ABCB11: variants seen among roughly 807,000 people sequenced by gnomAD.
ABCB11 encodes bile salt export pump.
In ABCB11, 95 loss-of-function variants were observed where a neutral mutation model predicts 148.0. The ratio of observed to expected loss-of-function variants is 0.64; its 90% CI spans 0.54 to 0.76. The LOEUF is 0.76. Among genes scored for constraint, ABCB11 ranks in the 30% least tolerant of loss-of-function variants. The probability of loss-of-function intolerance (pLI) is 0.00; values close to 1 mark genes in which losing one functional copy is unlikely to be tolerated. For missense variants in ABCB11, 1,523 were observed against 1,617.8 expected (o/e 0.94, Z 1.01); for synonymous variants, 591 against 555.4 (o/e 1.06, Z -0.90).
At chr2:168,971,003 A>G (rs1232301253) in intron 14 of ABCB11, among the ~76,000 whole-genome samples, 3 of 152,054 alleles carry the variant, frequency 2.0e-5, no homozygotes, top group Admixed American at 2.0e-4. Flanking sequence ...TATCATAGCC[A>G]CAGCTGCAAT....
Position 168,949,183 on chromosome 2 carries a change from AT to A in ABCB11, c.2344-4223del, listed in dbSNP as rs903681048. On this transcript the variant is annotated intron_variant, in intron 19 of 27. Transcript: ENST00000650372. ...ATTTCAGCCAAGAAAACATGATCAC[AT>A]TTTTTTAAACTGCTTTTTTAAAATT... is the stretch of plus-strand genomic sequence containing the variant. Among the ~76,000 whole-genome samples, 6 of 151,730 alleles carry A rather than the reference AT, an allele frequency of 4.0e-5. No homozygotes were observed. The South Asian group carries it at 6.2e-4, about 16-fold the overall frequency.
chr2:169,027,206 CAGAAAAATG>C (rs1695726812), intron 1 of ABCB11, among the ~76,000 whole-genome samples: 1 of 152,162 alleles, frequency 6.6e-6, no homozygotes, highest in African/African-American at 2.4e-5. Context: ...CAAGGCATTC[CAGAAAAATG>C]TATTTTCCAA....
intron 12 of ABCB11, among the ~76,000 whole-genome samples, chr2:168,974,622 T>C (rs1202397117): frequency 6.6e-6 from 1 of 151,994 alleles, no homozygotes; most frequent in Non-Finnish European, 1.5e-5. Context: ...TGCTTTTTTA[T>C]CATTATAGCA....
rs35964117 is a variant in ABCB11, at chr2:168,978,132, C to CTT, written c.1198-1447_1198-1446dup. 2.9e-3 allele frequency among the ~76,000 whole-genome samples: 152 copies of CTT among 53,136 alleles called. 28 individuals are homozygous for CTT. The highest frequency in any genetic ancestry group is 3.5e-3 in the Non-Finnish European group (99 of 28,484). 34.9% of individuals were successfully genotyped at this position (53,136 alleles called of 152,430 possible). A position where few individuals can be genotyped will look rare whatever the true frequency, so the allele number is the denominator to read the frequency against. ...AAGAGGTAGAATTTGAATAAATTGA[C>CTT]TTTTTTTTTTTTTTTTTTTTTTTTT... On this transcript the variant is annotated intron_variant, in intron 11 of 27. Transcript: ENST00000650372.
intron 9 of ABCB11, among the ~76,000 whole-genome samples, chr2:168,989,050 G>T (rs576585641): frequency 6.6e-6 from 1 of 152,072 alleles, no homozygotes; most frequent in East Asian, 1.9e-4. Flanking sequence ...AGATGTATGG[G>T]TTACAAATAT....
At chr2:168,969,940 G>T in intron 15 of ABCB11, 105 bp downstream of exon 15, 1 of 1,058,198 alleles carries the variant, frequency 9.5e-7, no homozygotes, top group Non-Finnish European at 1.4e-6. Context: ...AACCCATGTA[G>T]TATCAACTAC....
intron 2 of ABCB11, 84 bp downstream of exon 2, chr2:169,017,966 G>T (rs750700334): frequency 3.5e-6 from 4 of 1,153,228 alleles, no homozygotes; most frequent in Non-Finnish European, 5.3e-6. Flanking sequence ...ATTTTTTTCT[G>T]CTCCTTGAAA....
intron 19 of ABCB11, among the ~76,000 whole-genome samples, chr2:168,950,760 G>A (rs190275843): frequency 4.0e-5 from 6 of 151,844 alleles, no homozygotes; most frequent in Admixed American, 3.3e-4. Context: ...TTCTTTTGCT[G>A]TGCAAAAGCT....
chr2:168,953,194 A>T (rs1039333415), intron 19 of ABCB11, among the ~76,000 whole-genome samples: 2 of 151,686 alleles, frequency 1.3e-5, no homozygotes, highest in African/African-American at 4.8e-5. Flanking sequence ...GTTGTTGGGT[A>T]GAATGTTCTG....
chr2:168,987,532 T>G (rs1436584734), intron 9 of ABCB11, among the ~76,000 whole-genome samples: 1 of 152,102 alleles, frequency 6.6e-6, no homozygotes, highest in South Asian at 2.1e-4. Flanking sequence ...CAGAATCAGG[T>G]GATCCTCCCA....
intron 19 of ABCB11, among the ~76,000 whole-genome samples, chr2:168,948,290 C>A (rs2105918364): frequency 6.6e-6 from 1 of 151,854 alleles, no homozygotes; most frequent in South Asian, 2.1e-4. Flanking sequence ...GGCTTGGATT[C>A]TTTCTGATCC....
At chr2:168,949,246 G>C (rs1692458118) in intron 19 of ABCB11, among the ~76,000 whole-genome samples, 1 of 151,574 alleles carries the variant, frequency 6.6e-6, no homozygotes, top group Admixed American at 6.6e-5. Flanking sequence ...GGGGGTACAA[G>C]CACAGATTTC....
At chr2:169,002,782 G>C (rs1694913920) in intron 5 of ABCB11, among the ~76,000 whole-genome samples, 1 of 152,196 alleles carries the variant, frequency 6.6e-6, no homozygotes, top group Admixed American at 6.5e-5. Context: ...GCTAGAGGTG[G>C]GGAGATTAGG....
chr2:168,947,665 A>G (rs953858340), intron 19 of ABCB11, among the ~76,000 whole-genome samples: 15 of 151,842 alleles, frequency 9.9e-5, no homozygotes, highest in Non-Finnish European at 1.6e-4. Flanking sequence ...TAATGAACAC[A>G]TGATAATTAT....
chr2:168,989,403 G>A (rs561560289), intron 9 of ABCB11, among the ~76,000 whole-genome samples: 3 of 152,046 alleles, frequency 2.0e-5, no homozygotes, highest in African/African-American at 7.2e-5. Context: ...ATGGTGTGTT[G>A]TTGGTCTCTT....
At chr2:169,013,932 C>T (rs1011261632) in intron 4 of ABCB11, among the ~76,000 whole-genome samples, 1 of 152,068 alleles carries the variant, frequency 6.6e-6, no homozygotes, top group Non-Finnish European at 1.5e-5. Flanking sequence ...CAATTTCTGC[C>T]TAGAAATGCC....
chr2:168,936,154 G>T (rs974765341), intron 22 of ABCB11, 76 bp downstream of exon 22: 5 of 1,396,006 alleles, frequency 3.6e-6, no homozygotes, highest in Non-Finnish European at 3.9e-6. Context: ...CAGTCTCTTC[G>T]TACTACTCGT....
At chr2:168,956,944 C>T (rs1692823410) in intron 19 of ABCB11, among the ~76,000 whole-genome samples, 1 of 151,638 alleles carries the variant, frequency 6.6e-6, no homozygotes. Flanking sequence ...AGGCAGTCCC[C>T]AACTGGGTAA....
chr2:169,009,720 A>C (rs192114363), intron 5 of ABCB11, among the ~76,000 whole-genome samples: 1 of 152,084 alleles, frequency 6.6e-6, no homozygotes, highest in African/African-American at 2.4e-5. Flanking sequence ...CTAAAACTTA[A>C]AGTATAATTA....
Sources: gnomAD v4.1 joint callset for allele counts (sites outside exome capture counted in the v4.1 genomes callset) on GRCh38, gnomAD v4.1.1 for gene constraint, MANE v1.5 for transcripts, NCBI Gene and HGNC (gene_info 2026-07-23, HGNC 2026-07-21) for gene names.